Variants in ZNF442 observed in about 807,000 individuals in gnomAD.
ZNF442 encodes zinc finger protein 442.
ZNF442 carries 45 observed loss-of-function variants against 57.0 expected under a neutral mutation model. The observed-to-expected ratio is 0.79, with a 90% CI of 0.62 to 1.01. The LOEUF is 1.01. Among genes scored for constraint, ZNF442 ranks in the 50% least tolerant of loss-of-function variants. The pLI, the probability that ZNF442 is intolerant of heterozygous loss-of-function variation, is 0.00. For synonymous variants in ZNF442, 213 were observed against 241.8 expected (o/e 0.88, Z 1.10); for missense variants, 690 against 756.5 (o/e 0.91, Z 1.03).
At chr19:12,369,174 G>C (rs1264870358), upstream of ZNF442, among the ~76,000 whole-genome samples, 1 of 152,066 alleles carries the variant, frequency 6.6e-6, no homozygotes, top group African/African-American at 2.4e-5. Flanking sequence ...GTCAGAGTCA[G>C]CTCTTGCTCC....
chr19:12,362,053 G>A (rs1373751944), intron 3 of ZNF442, among the ~76,000 whole-genome samples: 3 of 152,298 alleles, frequency 2.0e-5, no homozygotes, highest in African/African-American at 2.4e-5. Flanking sequence ...GTGCAATGGC[G>A]TGATCTCGGC....
upstream of ZNF442, among the ~76,000 whole-genome samples, chr19:12,366,755 C>T (rs762301828): frequency 2.6e-5 from 4 of 152,148 alleles, no homozygotes; most frequent in Non-Finnish European, 5.9e-5. Flanking sequence ...CTCAGCCTCC[C>T]GAGTAGCACA....
intron 2 of ZNF442, among the ~76,000 whole-genome samples, chr19:12,364,492 G>T (rs1969498238): frequency 6.6e-6 from 1 of 152,026 alleles, no homozygotes; most frequent in Admixed American, 6.6e-5. Context: ...CTGGGACTCT[G>T]AAATTTAGCA....
rs1969146560 is a variant in ZNF442 at position 12,347,406 on chromosome 19, G to A, written c.*2295C>T. The A allele has an allele frequency of 6.6e-6, 1 of 152,182 alleles. No homozygotes were observed. The highest frequency in any genetic ancestry group is 6.5e-5 in the Admixed American group (1 of 15,284). 9.4% of individuals were successfully genotyped at this position (152,182 alleles called of 1,614,324 possible). ...ACCATTATGGAGTGAGGAAGTCAAT[G>A]ATTTCAGGAGCTTCTCCACTATTGA... is the stretch of plus-strand genomic sequence containing the variant. On this transcript the variant is annotated 3_prime_UTR_variant, in exon 6 of 6. Coordinates refer to ENST00000242804, the MANE Select transcript of ZNF442 (RefSeq NM_030824.3).
At chr19:12,364,426 G>A (rs1156703474) in intron 2 of ZNF442, among the ~76,000 whole-genome samples, 45 of 148,394 alleles carry the variant, frequency 3.0e-4, no homozygotes, top group African/African-American at 1.0e-3. Flanking sequence ...AAAAAAGAAA[G>A]AAAGAAAAAA....
upstream of ZNF442, among the ~76,000 whole-genome samples, chr19:12,370,612 G>T (rs1337160185): frequency 6.6e-6 from 1 of 152,012 alleles, no homozygotes; most frequent in Non-Finnish European, 1.5e-5. Flanking sequence ...AGGCCATCTG[G>T]AGTCCTAGTA....
rs1263496757 is a variant in ZNF442, at chr19:12,350,782, T to C, written c.803A>G (p.Lys268Arg). The C allele has an allele frequency of 6.2e-7, 1 of 1,614,066 alleles. No homozygotes were observed. The highest frequency in any genetic ancestry group is 1.3e-5 in the African/African-American group (1 of 74,920). ...THTGEKPYECKHCSKAFPDYS... is the reference protein window; with the variant it reads ...THTGEKPYECRHCSKAFPDYS... ...ATCAGGGAAGGCTTTGGAACAGTGC[T>C]TGCATTCATATGGTTTCTCCCCAGT... Residue 268 changes from lysine to arginine, a missense_variant, in exon 6 of 6, where the codon AAG (lysine) becomes AGG (arginine). Physicochemically the swap from Lys to Arg is conservative, Grantham distance 26. Transcript: ENST00000242804.
chr19:12,357,349 C>CTTTTTTTTTTTTTTTTTTTT, intron 3 of ZNF442, among the ~76,000 whole-genome samples: 1 of 95,368 alleles, frequency 1.0e-5, no homozygotes, highest in Non-Finnish European at 2.0e-5. Context: ...CTTTTTCTTT[C>CTTTTTTTTTTTTTTTTTTTT]TTTTTTTTTT....
chr19:12,363,624 A>G lies in ZNF442; in HGVS notation c.8T>C (p.Val3Ala). MI[V>A]FGGEDRSDLF... is the part of the protein sequence containing the mutation. Reference sequence around the variant, plus strand: ...ATCACTTCTGTCTTCTCCCCCAAATACAATCATTCAACTGGCTGACCAGCC... The same window carrying G: ...ATCACTTCTGTCTTCTCCCCCAAATGCAATCATTCAACTGGCTGACCAGCC... The change falls in exon 3 of 6, where the codon GTA becomes GCA. Residue 3 changes from valine (V) to alanine (A), a missense_variant. Coordinates refer to ENST00000242804, the MANE Select transcript of ZNF442 (RefSeq NM_030824.3). 6.2e-7 allele frequency: 1 copy of G among 1,614,142 alleles called. No individual in the cohort carries two copies. Among genetic ancestry groups the G allele is most frequent in the Non-Finnish European group, 8.5e-7 (1 of 1,179,980 alleles).
At chr19:12,355,370 T>C (rs1296861183) in intron 3 of ZNF442, among the ~76,000 whole-genome samples, 2 of 150,990 alleles carry the variant, frequency 1.3e-5, no homozygotes, top group African/African-American at 2.4e-5. Context: ...AGAATTTTTT[T>C]TTTTTTTTGA....
chr19:12,367,944 A>G (rs1969551666), upstream of ZNF442, among the ~76,000 whole-genome samples: 1 of 152,226 alleles, frequency 6.6e-6, no homozygotes. Context: ...CTGGGATTAC[A>G]GGCATGAGCC....
At position 12,350,754 on chromosome 19, in the gene ZNF442, G is replaced by A; in HGVS notation, c.831C>T (p.Tyr277=). The A allele has an allele frequency of 6.2e-7, 1 of 1,614,038 alleles. No individual in the cohort carries two copies. The highest frequency in any genetic ancestry group is 2.2e-5 in the East Asian group (1 of 44,884). ...CKHCSKAFPD[Y]SSYVRHERTH... ...TTCTTTCATGTCTTACATAGGAACT[G>A]TAATCAGGGAAGGCTTTGGAACAGT... Residue 277 remains tyrosine (Y), a synonymous_variant, in exon 6 of 6, where the codon TAC becomes TAT. Transcript: ENST00000242804.
Position 12,349,781 on chromosome 19 carries a change from A to G in ZNF442, c.1804T>C (p.Cys602Arg). 4.3e-6 allele frequency: 7 copies of G among 1,614,194 alleles called. No homozygotes were observed. Among genetic ancestry groups the G allele is most frequent in the Non-Finnish European group, 4.2e-6 (5 of 1,180,024 alleles). ...CTCAGTGCCTTCCCACATTCCTTAC[A>G]TTCATGCATCTTCTCTCCAGTGTGA... Reference protein sequence around the residue: ...KTHTGEKMHECKECGKALSSL... With the variant: ...KTHTGEKMHERKECGKALSSL... The change falls in exon 6 of 6, where the codon TGT (cysteine) becomes CGT (arginine). Residue 602 changes from cysteine to arginine, a missense_variant. Transcript: ENST00000242804.
At chr19:12,368,693 C>T (rs963993027), upstream of ZNF442, among the ~76,000 whole-genome samples, 16 of 152,246 alleles carry the variant, frequency 1.1e-4, no homozygotes, top group Admixed American at 3.9e-4. Flanking sequence ...CCTGGGTTCT[C>T]TCCACAAATT....
intron 3 of ZNF442, among the ~76,000 whole-genome samples, chr19:12,362,810 T>C (rs112800730): frequency 0.045 from 6,780 of 150,916 alleles, 518 homozygotes; most frequent in African/African-American, 0.16. Context: ...CAGATTGTTG[T>C]TGTGTCTGTG....
intron 3 of ZNF442, among the ~76,000 whole-genome samples, chr19:12,355,060 G>C (rs1317382584): frequency 6.6e-6 from 1 of 152,026 alleles, no homozygotes; most frequent in African/African-American, 2.4e-5. Context: ...GGAAGGTTGA[G>C]GCAGGCAGAT....
At chr19:12,351,974 A>T (rs1969245830) in intron 5 of ZNF442, 36 bp downstream of exon 5, 2 of 1,588,366 alleles carry the variant, frequency 1.3e-6, no homozygotes, top group Non-Finnish European at 1.7e-6. Flanking sequence ...GAATTGCTCC[A>T]CAGATATATG....
chr19:12,358,006 A>C (rs1203856353), intron 3 of ZNF442, among the ~76,000 whole-genome samples: 27 of 140,328 alleles, frequency 1.9e-4, no homozygotes, highest in African/African-American at 7.0e-4. Context: ...TCTGTCGCCC[A>C]GGCTGGAGTG....
intron 3 of ZNF442, among the ~76,000 whole-genome samples, chr19:12,356,209 A>G (rs1969325735): frequency 6.6e-6 from 1 of 152,136 alleles, no homozygotes; most frequent in Non-Finnish European, 1.5e-5. Flanking sequence ...TCACGGAGCA[A>G]GATTCTATCT....
Sources: allele counts gnomAD v4.1 joint callset (sites outside exome capture counted in the v4.1 genomes callset), GRCh38; gene constraint gnomAD v4.1.1; transcripts MANE v1.5; gene names NCBI Gene and HGNC (gene_info 2026-07-23, HGNC 2026-07-21).